The following KLF12 variants were observed in gnomAD, a reference collection of about 807,000 sequenced individuals.
KLF12 encodes Krueppel-like factor 12.
A neutral mutation model predicts 37.8 loss-of-function variants in KLF12; 9 were observed. The ratio of observed to expected loss-of-function variants is 0.24; its 90% CI spans 0.14 to 0.42. The LOEUF is 0.42. Among genes scored for constraint, KLF12 ranks in the 10% least tolerant of loss-of-function variants. KLF12 has a pLI of 1.00. For synonymous variants in KLF12, 208 were observed against 202.1 expected, an observed-to-expected ratio of 1.03 and a Z score of -0.25; for missense variants, 411 against 516.0, an observed-to-expected ratio of 0.80 and a Z score of 1.97.
the KLF12 span, chr13:74,289,163 A>G: frequency 6.6e-6 from 1 of 152,194 alleles, no homozygotes; most frequent in African/African-American, 2.4e-5. Flanking sequence ...TTCGATCTGT[A>G]ATTGACTGCG....
the KLF12 span, among the ~76,000 whole-genome samples, chr13:74,262,985 A>G: frequency 6.6e-6 from 1 of 152,224 alleles, no homozygotes; most frequent in Non-Finnish European, 1.5e-5. Context: ...AGCTGAAAGT[A>G]AAATCAAATT....
chr13:73,986,150 G>A (rs1891823019), intron 2 of KLF12, among the ~76,000 whole-genome samples: 1 of 152,152 alleles, frequency 6.6e-6, no homozygotes, highest in Non-Finnish European at 1.5e-5. Context: ...AAATTTGTTA[G>A]GCCAAAAGGT....
intron 7 of KLF12, among the ~76,000 whole-genome samples, chr13:73,707,439 T>C (rs1481855301): frequency 6.6e-6 from 1 of 152,208 alleles, no homozygotes; most frequent in Admixed American, 6.5e-5. Flanking sequence ...TTTTCTAATG[T>C]CTCAGCAGTT....
In KLF12 at chr13:73,786,131, T is replaced by C. The variant is rs148463585; in HGVS notation, c.807-21131A>G. 6.3e-3 allele frequency among the ~76,000 whole-genome samples: 953 copies of C among 152,294 alleles called. 7 individuals are homozygous for C. Among genetic ancestry groups the C allele is most frequent in the African/African-American group, 0.022 (910 of 41,564 alleles). On this transcript the variant is annotated intron_variant, in intron 5 of 7. Coordinates refer to ENST00000377669, the MANE Select transcript of KLF12 (RefSeq NM_007249.5). ...GAGACGTAAGTCATTCTGGGGCAGC[T>C]GGGGAGAGATTCTGGCATCCAGCTC... is the stretch of plus-strand genomic sequence containing the variant.
At chr13:73,949,775 C>A (rs1344321427) in intron 2 of KLF12, among the ~76,000 whole-genome samples, 1 of 152,160 alleles carries the variant, frequency 6.6e-6, no homozygotes, top group Non-Finnish European at 1.5e-5. Context: ...AATCAAAGTA[C>A]CAGAAGTGGG....
chr13:73,964,491 C>T lies in KLF12; in HGVS notation c.34-20421G>A, dbSNP rs555493711. 8.3e-4 allele frequency among the ~76,000 whole-genome samples: 126 copies of T among 152,024 alleles called. 1 individual carries two copies. Among genetic ancestry groups the T allele is most frequent in the Middle Eastern group, 3.4e-3 (1 of 294 alleles). ...CACTCTATAAGAATCTTAGGTCAGCCGAGCACGGTGGCTCATGCCTGTAAT... is the reference window on the plus strand; with the variant it reads ...CACTCTATAAGAATCTTAGGTCAGCTGAGCACGGTGGCTCATGCCTGTAAT... On this transcript the variant is annotated intron_variant, in intron 2 of 7. Transcript: ENST00000377669.
chr13:74,280,322 G>A, the KLF12 span, among the ~76,000 whole-genome samples: 1 of 152,122 alleles, frequency 6.6e-6, no homozygotes, highest in Admixed American at 6.6e-5. Context: ...GTAATGACCA[G>A]TTTTGTCCTT....
chr13:73,933,428 A>G (rs1889773567), intron 3 of KLF12, among the ~76,000 whole-genome samples: 2 of 152,166 alleles, frequency 1.3e-5, no homozygotes, highest in South Asian at 2.1e-4. Context: ...TTCTCTTGAT[A>G]GGTTTTTTTA....
At chr13:74,301,221 A>G in the KLF12 span, among the ~76,000 whole-genome samples, 848 of 152,300 alleles carry the variant, frequency 5.6e-3, 9 homozygotes, top group African/African-American at 0.02. Flanking sequence ...ACTGTCTTAA[A>G]TGTACCAGAT....
chr13:74,169,914 G>T, the KLF12 span, among the ~76,000 whole-genome samples: 1 of 152,268 alleles, frequency 6.6e-6, no homozygotes, highest in East Asian at 1.9e-4. Flanking sequence ...ACTGCCCAAG[G>T]GGTCAACAGC....
intron 3 of KLF12, among the ~76,000 whole-genome samples, chr13:73,912,476 A>G (rs150479595): frequency 6.6e-6 from 1 of 152,310 alleles, no homozygotes; most frequent in African/African-American, 2.4e-5. Flanking sequence ...TGTCCTTATA[A>G]GAACAGGAGA....
At chr13:73,935,387 A>C (rs529334347) in intron 3 of KLF12, among the ~76,000 whole-genome samples, 1 of 152,190 alleles carries the variant, frequency 6.6e-6, no homozygotes, top group East Asian at 1.9e-4. Flanking sequence ...TTTTAAATAC[A>C]GTATGATATG....
chr13:73,992,253 T>C (rs1223752402), intron 2 of KLF12, among the ~76,000 whole-genome samples: 1 of 152,208 alleles, frequency 6.6e-6, no homozygotes, highest in African/African-American at 2.4e-5. Flanking sequence ...AGAGGACAAC[T>C]GCTGAAATAC....
chr13:74,280,565 C>T, the KLF12 span, among the ~76,000 whole-genome samples: 1 of 152,172 alleles, frequency 6.6e-6, no homozygotes, highest in Non-Finnish European at 1.5e-5. Flanking sequence ...ATGAAAGAGA[C>T]CCAATGGGGA....
At chr13:73,783,194 G>A (rs1029052080) in intron 5 of KLF12, among the ~76,000 whole-genome samples, 2 of 151,704 alleles carry the variant, frequency 1.3e-5, no homozygotes, top group Non-Finnish European at 2.9e-5. Flanking sequence ...ATGGAACTGA[G>A]GTCATTATGT....
chr13:73,897,798 C>T (rs961810361), intron 3 of KLF12, among the ~76,000 whole-genome samples: 1 of 152,164 alleles, frequency 6.6e-6, no homozygotes, highest in Non-Finnish European at 1.5e-5. Context: ...TTCTAAAATA[C>T]AAATCTAATG....
chr13:74,174,297 G>A, the KLF12 span, among the ~76,000 whole-genome samples: 1 of 150,742 alleles, frequency 6.6e-6, no homozygotes, highest in East Asian at 1.9e-4. Context: ...TCTTTAAGAT[G>A]GTACAGTCTT....
intron 1 of KLF12, among the ~76,000 whole-genome samples, chr13:74,084,410 C>G (rs1486399784): frequency 6.6e-6 from 1 of 152,164 alleles, no homozygotes; most frequent in Non-Finnish European, 1.5e-5. Flanking sequence ...GTTGTCTCTG[C>G]CCCAAACACC....
At chr13:74,159,810 G>A in the KLF12 span, among the ~76,000 whole-genome samples, 2 of 152,044 alleles carry the variant, frequency 1.3e-5, no homozygotes, top group Non-Finnish European at 2.9e-5. Flanking sequence ...CCTGAGCTCA[G>A]GAGCTCGAGA....
Sources: allele counts gnomAD v4.1 joint callset (sites outside exome capture counted in the v4.1 genomes callset), GRCh38; gene constraint gnomAD v4.1.1; transcripts MANE v1.5; gene names NCBI Gene and HGNC (gene_info 2026-07-23, HGNC 2026-07-21).